The following PARD3B variants were observed in gnomAD, a reference collection of about 807,000 sequenced individuals.
PARD3B encodes partitioning defective 3 homolog B.
Under a neutral mutation model 130.2 loss-of-function variants are expected in PARD3B, and 103 were observed. That is an observed-to-expected ratio of 0.79 (90% CI 0.67 to 0.93). PARD3B has a LOEUF of 0.93. Ranked by LOEUF, PARD3B falls within the 40% of genes least tolerant of loss-of-function variation. The pLI, the probability that PARD3B is intolerant of heterozygous loss-of-function variation, is 0.00. For synonymous variants in PARD3B, 583 were observed against 553.2 expected (o/e 1.05, Z -0.76); for missense variants, 1,609 against 1,499.2 (o/e 1.07, Z -1.21).
intron 2 of PARD3B, among the ~76,000 whole-genome samples, chr2:204,914,275 T>C (rs1383061104): frequency 6.6e-6 from 1 of 152,084 alleles, no homozygotes; most frequent in East Asian, 1.9e-4. Flanking sequence ...TTTCTCACCC[T>C]TCAATGTGTC....
At chr2:205,580,859 A>G (rs910233819) in intron 22 of PARD3B, among the ~76,000 whole-genome samples, 5 of 152,184 alleles carry the variant, frequency 3.3e-5, no homozygotes, top group Admixed American at 3.3e-4. Flanking sequence ...ATGAAACAAT[A>G]ATTAGAATAG....
intron 20 of PARD3B, among the ~76,000 whole-genome samples, chr2:205,494,285 A>G (rs997654218): frequency 2.6e-5 from 4 of 152,200 alleles, no homozygotes; most frequent in Admixed American, 2.0e-4. Context: ...CCACTTATAC[A>G]TATGTAATCA....
intron 21 of PARD3B, among the ~76,000 whole-genome samples, chr2:205,513,276 G>A (rs2050662710): frequency 6.6e-6 from 1 of 152,058 alleles, no homozygotes; most frequent in Non-Finnish European, 1.5e-5. Context: ...CTTTCGTGTG[G>A]TTCCAGAACT....
chr2:204,757,437 T>C (rs1408546644), intron 2 of PARD3B, among the ~76,000 whole-genome samples: 1 of 152,164 alleles, frequency 6.6e-6, no homozygotes, highest in Non-Finnish European at 1.5e-5. Context: ...TTGACCTTCT[T>C]ATAGTAGCCA....
At chr2:204,744,771 A>G (rs1367176309) in intron 2 of PARD3B, among the ~76,000 whole-genome samples, 2 of 152,116 alleles carry the variant, frequency 1.3e-5, no homozygotes, top group African/African-American at 4.8e-5. Flanking sequence ...CAGGCGGAAA[A>G]CAGTGAAGTT....
rs574596613 is a variant in PARD3B, at chr2:205,288,112, G to A, written c.2186-12418G>A. On this transcript the variant is annotated intron_variant, in intron 16 of 22. Transcript: ENST00000406610. This position sits in a 1 kb window ranked among gnomAD's most constrained non-coding sequence, Gnocchi z 4.0. Reference sequence around the variant, plus strand: ...ACCAAATATAGTAAAGCGTGCTTACGAGGAGATAGCAAAGGGTCCGGCCAT... The same window carrying A: ...ACCAAATATAGTAAAGCGTGCTTACAAGGAGATAGCAAAGGGTCCGGCCAT... 7.9e-5 allele frequency among the ~76,000 whole-genome samples: 12 copies of A among 152,104 alleles called. No individual in the cohort carries two copies. The highest frequency in any genetic ancestry group is 2.7e-4 in the African/African-American group (11 of 41,482).
At chr2:204,920,341 G>A (rs1030166109) in intron 2 of PARD3B, among the ~76,000 whole-genome samples, 2 of 152,134 alleles carry the variant, frequency 1.3e-5, no homozygotes, top group African/African-American at 4.8e-5. Flanking sequence ...ATTCCAATCG[G>A]ATTTTTGTAT....
intron 18 of PARD3B, among the ~76,000 whole-genome samples, chr2:205,381,331 T>C (rs529724442): frequency 6.7e-6 from 1 of 149,514 alleles, no homozygotes; most frequent in African/African-American, 2.5e-5. Flanking sequence ...TTTGTCACAA[T>C]GACAACTGCT....
chr2:204,959,045 G>A (rs943078445), intron 2 of PARD3B, among the ~76,000 whole-genome samples: 3 of 152,006 alleles, frequency 2.0e-5, no homozygotes, highest in Non-Finnish European at 4.4e-5. Context: ...GTGCCATGGC[G>A]GTTTGCTATA....
At chr2:204,571,765 A>G (rs2032017966) in intron 1 of PARD3B, among the ~76,000 whole-genome samples, 1 of 152,188 alleles carries the variant, frequency 6.6e-6, no homozygotes, top group Non-Finnish European at 1.5e-5. Flanking sequence ...AGTGAATGAG[A>G]AGTTAGAGCA....
intron 15 of PARD3B, among the ~76,000 whole-genome samples, chr2:205,201,887 A>G (rs1407580587): frequency 6.6e-6 from 1 of 152,232 alleles, no homozygotes; most frequent in Non-Finnish European, 1.5e-5. Flanking sequence ...TATATGTTTT[A>G]ACTACATAAC....
intron 4 of PARD3B, among the ~76,000 whole-genome samples, chr2:205,059,372 G>A (rs1699927151): frequency 6.6e-6 from 1 of 151,976 alleles, no homozygotes; most frequent in South Asian, 2.1e-4. Flanking sequence ...TTTCACATGT[G>A]CAAAGAAAGC....
At chr2:205,319,043 A>T (rs1007117622) in intron 18 of PARD3B, among the ~76,000 whole-genome samples, 15 of 152,126 alleles carry the variant, frequency 9.9e-5, no homozygotes, top group African/African-American at 3.4e-4. Context: ...TCTCACATAT[A>T]TGGCCTCATT....
rs1371437608 is a variant in PARD3B at position 205,015,523 on chromosome 2, C to G, written c.395-32058C>G. ...GATGTGTTATTCATATAGGTATAAC[C>G]CAGTCTTGAGCTTCACAACAAACAG... is the stretch of plus-strand genomic sequence containing the variant. On this transcript the variant is annotated intron_variant, in intron 3 of 22. Coordinates refer to ENST00000406610, the MANE Select transcript of PARD3B (RefSeq NM_001302769.2). This position sits in a 1 kb window ranked among gnomAD's most constrained non-coding sequence, Gnocchi z 4.5. Among the ~76,000 whole-genome samples the G allele has an allele frequency of 6.6e-6, 1 of 152,000 alleles. No homozygotes were observed. Among genetic ancestry groups the G allele is most frequent in the Non-Finnish European group, 1.5e-5 (1 of 68,000 alleles).
At chr2:204,716,972 A>G (rs992643382) in intron 2 of PARD3B, among the ~76,000 whole-genome samples, 1 of 152,254 alleles carries the variant, frequency 6.6e-6, no homozygotes, top group African/African-American at 2.4e-5. Context: ...AGAAGCGTGT[A>G]TGGGTAAGGT....
At chr2:205,066,906 T>C (rs1249092568) in intron 4 of PARD3B, among the ~76,000 whole-genome samples, 1 of 152,050 alleles carries the variant, frequency 6.6e-6, no homozygotes, top group Non-Finnish European at 1.5e-5. Flanking sequence ...CTGGATGAGT[T>C]GAAACTGACT....
intron 2 of PARD3B, among the ~76,000 whole-genome samples, chr2:204,861,269 C>A (rs576009612): frequency 6.7e-6 from 1 of 149,580 alleles, no homozygotes; most frequent in Non-Finnish European, 1.5e-5. Flanking sequence ...ATGACTTTCA[C>A]GTAGTAACTT....
At chr2:205,372,824 C>A (rs1000346406) in intron 18 of PARD3B, among the ~76,000 whole-genome samples, 1 of 152,006 alleles carries the variant, frequency 6.6e-6, no homozygotes, top group African/African-American at 2.4e-5. Flanking sequence ...TACAAAAGGT[C>A]CAAAAATCAG....
intron 11 of PARD3B, among the ~76,000 whole-genome samples, chr2:205,165,922 C>T (rs1195792448): frequency 3.3e-5 from 5 of 151,912 alleles, no homozygotes; most frequent in South Asian, 2.1e-4. Flanking sequence ...GTATACAGAA[C>T]GTAATCAAAC....
Sources: gnomAD v4.1 joint callset for allele counts (sites outside exome capture counted in the v4.1 genomes callset) on GRCh38, gnomAD v4.1.1 for gene constraint, Gnocchi (gnomAD v3.1) non-coding constraint, MANE v1.5 for transcripts, NCBI Gene and HGNC (gene_info 2026-07-23, HGNC 2026-07-21) for gene names.